The following PPFIA2 variants were observed in gnomAD, a reference collection of about 807,000 sequenced individuals.
The protein encoded by PPFIA2 is liprin-alpha-2.
A neutral mutation model predicts 175.5 loss-of-function variants in PPFIA2; 46 were observed. That is an observed-to-expected ratio of 0.26 (90% CI 0.21 to 0.34). The LOEUF (loss-of-function observed/expected upper bound fraction) is 0.34. Ranked by LOEUF, PPFIA2 falls within the 10% of genes least tolerant of loss-of-function variation. PPFIA2 has a pLI of 1.00. For synonymous variants in PPFIA2, 568 were observed against 511.4 expected (o/e 1.11, Z -1.49); for missense variants, 1,179 against 1,506.1 (o/e 0.78, Z 3.60).
chr12:81,279,177 T>A (rs1921030), intron 27 of PPFIA2: 104,490 of 151,914 alleles, frequency 0.69, 36,441 homozygotes, highest in Non-Finnish European at 0.76. Context: ...TGACAACAGG[T>A]ATATATATTC....
At chr12:81,630,631 A>AT (rs1427809936) in intron 4 of PPFIA2, among the ~76,000 whole-genome samples, 5 of 152,030 alleles carry the variant, frequency 3.3e-5, no homozygotes, top group Admixed American at 3.3e-4. Context: ...CTGATAAACT[A>AT]TTTCCATTCC....
At chr12:81,423,676 G>T (rs750030720) in intron 7 of PPFIA2, among the ~76,000 whole-genome samples, 20 of 152,096 alleles carry the variant, frequency 1.3e-4, no homozygotes, top group Non-Finnish European at 2.6e-4. Flanking sequence ...TTCCTTCTAA[G>T]ATCCAGCACA....
chr12:81,704,421 T>A (rs1275329228), intron 3 of PPFIA2, among the ~76,000 whole-genome samples: 1 of 152,094 alleles, frequency 6.6e-6, no homozygotes, highest in African/African-American at 2.4e-5. Flanking sequence ...TTAGAGGAGC[T>A]AAGGTATAAA....
At chr12:81,534,080 T>C (rs1424234308) in intron 4 of PPFIA2, among the ~76,000 whole-genome samples, 1 of 151,642 alleles carries the variant, frequency 6.6e-6, no homozygotes, top group East Asian at 1.9e-4. Flanking sequence ...AAGACAAATA[T>C]TGCATGTTCT....
chr12:81,654,852 T>C (rs1052757829), intron 4 of PPFIA2, among the ~76,000 whole-genome samples: 9 of 152,166 alleles, frequency 5.9e-5, no homozygotes, highest in Admixed American at 2.6e-4. Context: ...GAAGCGCTTC[T>C]TCTTTTTAAC....
At chr12:81,297,785 G>C (rs2046858957) in intron 23 of PPFIA2, among the ~76,000 whole-genome samples, 1 of 152,162 alleles carries the variant, frequency 6.6e-6, no homozygotes. Context: ...CTTTGATGCG[G>C]ATAAATGGCA....
intron 3 of PPFIA2, among the ~76,000 whole-genome samples, chr12:81,739,972 C>T (rs891976155): frequency 6.6e-6 from 1 of 152,094 alleles, no homozygotes; most frequent in Non-Finnish European, 1.5e-5. Flanking sequence ...CCTGGGGCTT[C>T]TTGACCTAGG....
intron 15 of PPFIA2, among the ~76,000 whole-genome samples, chr12:81,361,091 C>T (rs1473719717): frequency 6.6e-6 from 1 of 151,500 alleles, no homozygotes; most frequent in Non-Finnish European, 1.5e-5. Context: ...AATAATTGTT[C>T]TATATAGGCC....
intron 7 of PPFIA2, among the ~76,000 whole-genome samples, chr12:81,427,123 A>G (rs562667834): frequency 2.6e-5 from 4 of 152,086 alleles, no homozygotes; most frequent in Non-Finnish European, 5.9e-5. Flanking sequence ...TAATTCATGT[A>G]TATATACTAG....
intron 8 of PPFIA2, among the ~76,000 whole-genome samples, chr12:81,384,492 C>A (rs1445380534): frequency 6.6e-6 from 1 of 151,920 alleles, no homozygotes; most frequent in African/African-American, 2.4e-5. Flanking sequence ...TATGCTCTCT[C>A]TATATATAAA....
At chr12:81,578,280 G>A (rs558702725) in intron 4 of PPFIA2, among the ~76,000 whole-genome samples, 6 of 151,540 alleles carry the variant, frequency 4.0e-5, no homozygotes, top group Non-Finnish European at 7.4e-5. Flanking sequence ...ATGAAGAAGG[G>A]GTCTACACAA....
intron 20 of PPFIA2, 122 bp downstream of exon 20, chr12:81,340,956 A>T: frequency 9.3e-7 from 1 of 1,070,192 alleles, no homozygotes; most frequent in Non-Finnish European, 1.3e-6. Flanking sequence ...TGGGAAAGGG[A>T]AGCTGGAGAA....
intron 4 of PPFIA2, among the ~76,000 whole-genome samples, chr12:81,576,284 T>C (rs1451903661): frequency 3.3e-5 from 5 of 151,732 alleles, no homozygotes; most frequent in African/African-American, 1.2e-4. Context: ...GATAAAGAGA[T>C]GTTAGCCAGA....
chr12:81,493,306 A>C (rs1386720474), intron 4 of PPFIA2, among the ~76,000 whole-genome samples: 1 of 152,016 alleles, frequency 6.6e-6, no homozygotes, highest in African/African-American at 2.4e-5. Context: ...TATGAGATAG[A>C]CTTAATACAC....
At chr12:81,643,220 G>T (rs190018485) in intron 4 of PPFIA2, among the ~76,000 whole-genome samples, 27 of 151,588 alleles carry the variant, frequency 1.8e-4, no homozygotes, top group Admixed American at 4.6e-4. Context: ...AAGGGATTAT[G>T]ATTTGAAACT....
chr12:81,658,223 G>A (rs546666136), intron 4 of PPFIA2, among the ~76,000 whole-genome samples: 38 of 148,208 alleles, frequency 2.6e-4, no homozygotes, highest in African/African-American at 7.8e-4. Flanking sequence ...AGCCCAGATC[G>A]TGCCATTGCA....
chr12:81,368,947 T>C, intron 12 of PPFIA2, 91 bp from the exon 13 acceptor site: 1 of 1,433,074 alleles, frequency 7.0e-7, no homozygotes, highest in Admixed American at 2.3e-5. Context: ...AATTTAATTT[T>C]ACATCTGTTT....
At chr12:81,318,318 C>T (rs551812757) in intron 22 of PPFIA2, among the ~76,000 whole-genome samples, 85 of 151,772 alleles carry the variant, frequency 5.6e-4, no homozygotes, top group East Asian at 5.8e-4. Flanking sequence ...CGAATTTTGA[C>T]CCTGTTACTG....
intron 3 of PPFIA2, among the ~76,000 whole-genome samples, chr12:81,722,196 T>G (rs2079448310): frequency 6.6e-6 from 1 of 151,088 alleles, no homozygotes; most frequent in Non-Finnish European, 1.5e-5. Context: ...GACTCATTCC[T>G]CAGTCTTCCC....
Sources: allele counts gnomAD v4.1 joint callset (sites outside exome capture counted in the v4.1 genomes callset), GRCh38; gene constraint gnomAD v4.1.1; transcripts MANE v1.5; gene names NCBI Gene and HGNC (gene_info 2026-07-23, HGNC 2026-07-21).